Variants in SCUBE1 observed in about 807,000 individuals in gnomAD.
SCUBE1 encodes the protein signal peptide, CUB domain and EGF like domain containing 1.
In SCUBE1, 59 loss-of-function variants were observed where a neutral mutation model predicts 124.4. The ratio of observed to expected loss-of-function variants is 0.47; its 90% CI spans 0.38 to 0.59. The LOEUF (loss-of-function observed/expected upper bound fraction) is 0.59, where lower values mean the gene tolerates loss of function less well. Ranked by LOEUF, SCUBE1 falls within the 20% of genes least tolerant of loss-of-function variation. The pLI, the probability that SCUBE1 is intolerant of heterozygous loss-of-function variation, is 0.00. For synonymous variants in SCUBE1, 545 were observed against 550.9 expected (o/e 0.99, Z 0.15); for missense variants, 1,150 against 1,371.2 (o/e 0.84, Z 2.55).
At chr22:43,269,480 A>G (rs1394200408) in intron 4 of SCUBE1, among the ~76,000 whole-genome samples, 1 of 152,174 alleles carries the variant, frequency 6.6e-6, no homozygotes, top group Non-Finnish European at 1.5e-5. Flanking sequence ...TCGGATAACA[A>G]AGCTGGAATG....
At chr22:43,262,112 A>T (rs1923892933) in intron 5 of SCUBE1, among the ~76,000 whole-genome samples, 1 of 152,218 alleles carries the variant, frequency 6.6e-6, no homozygotes, top group Non-Finnish European at 1.5e-5. Context: ...GATCTCCCAG[A>T]ATATCACCAT....
In SCUBE1 at chr22:43,198,969, C is replaced by G; in HGVS notation, c.*5028G>C. ...CTGCTGTCCGGGGCAGTTTTTCTGT[C>G]TGCTGTCCGGGGCAACGTGTCTGTC... On this transcript the variant is annotated 3_prime_UTR_variant, in exon 22 of 22. Transcript: ENST00000360835. 2 of 362,204 alleles carry G rather than the reference C, an allele frequency of 5.5e-6. No individual in the cohort carries two copies. The highest frequency in any genetic ancestry group is 4.1e-5 in the South Asian group (2 of 48,292). The allele number at this position is 362,204 out of a possible 1,614,324, so 22.4% of individuals were successfully genotyped here.
At chr22:43,326,341 CG>C (rs906839075) in intron 2 of SCUBE1, among the ~76,000 whole-genome samples, 1 of 152,044 alleles carries the variant, frequency 6.6e-6, no homozygotes, top group African/African-American at 2.4e-5. Flanking sequence ...GGCAACCATT[CG>C]GGGAGAGATG....
chr22:43,212,721 G>C, intron 16 of SCUBE1, 129 bp from the exon 17 acceptor site: 1 of 926,526 alleles, frequency 1.1e-6, no homozygotes, highest in Non-Finnish European at 1.6e-6. Context: ...GAGGCCTGGG[G>C]TGGGGACGGG....
At chr22:43,223,488 G>T (rs1922185198) in intron 10 of SCUBE1, among the ~76,000 whole-genome samples, 1 of 152,162 alleles carries the variant, frequency 6.6e-6, no homozygotes, top group Non-Finnish European at 1.5e-5. Flanking sequence ...GAAACTCCCT[G>T]AGGGCAGGGC....
intron 1 of SCUBE1, among the ~76,000 whole-genome samples, chr22:43,342,104 C>CCT (rs1927336373): frequency 6.6e-6 from 1 of 152,038 alleles, no homozygotes; most frequent in South Asian, 2.1e-4. Context: ...CCATACCAGA[C>CCT]CTCAGGAAGC....
In SCUBE1 at chr22:43,274,985, C is replaced by T. The variant is rs541366852; in HGVS notation, c.485-12140G>A. Among the ~76,000 whole-genome samples the T allele has an allele frequency of 1.6e-3, 239 of 152,332 alleles. 3 individuals are homozygous for T. Among genetic ancestry groups the T allele is most frequent in the African/African-American group, 4.3e-3 (177 of 41,576 alleles). On this transcript the variant is annotated intron_variant, in intron 4 of 21. Transcript: ENST00000360835. ...GGGGACATAAGCCAATTCCCGCCACCGACTCAAACTTAGTCTGGTGACTTG... is the reference window on the plus strand; with the variant it reads ...GGGGACATAAGCCAATTCCCGCCACTGACTCAAACTTAGTCTGGTGACTTG...
chr22:43,238,556 C>T lies in SCUBE1; in HGVS notation c.844+282G>A, dbSNP rs112886221. On this transcript the variant is annotated intron_variant, in intron 7 of 21. Transcript: ENST00000360835. The stretch of plus-strand genomic sequence containing the variant: ...ACGCTGGCTTAACTGTTTAACCCAG[C>T]GTGCAGCCAAATTCTCTGACATCAG... 54 of 600,314 alleles carry T rather than the reference C, an allele frequency of 9.0e-5. No homozygotes were observed. The East Asian group carries it at 9.4e-4, about 10-fold the overall frequency. 37.2% of individuals were successfully genotyped at this position (600,314 alleles called of 1,614,324 possible). A position where few individuals can be genotyped will look rare whatever the true frequency, so the allele number is the denominator to read the frequency against.
At chr22:43,252,879 G>A (rs1014220466) in intron 6 of SCUBE1, among the ~76,000 whole-genome samples, 1 of 148,816 alleles carries the variant, frequency 6.7e-6, no homozygotes, top group Non-Finnish European at 1.5e-5. Flanking sequence ...GATGGGAACG[G>A]TCACCTCCCT....
Position 43,219,562 on chromosome 22 carries a change from C to G in SCUBE1, c.1687+888G>C, listed in dbSNP as rs368019284. On this transcript the variant is annotated intron_variant, in intron 14 of 21. Coordinates refer to ENST00000360835, the MANE Select transcript of SCUBE1 (RefSeq NM_173050.5). ...GATCTCAGCTCACTGCAATCTCTGC[C>G]TCCCAGGTTCAAGCGATTCTCCTGC... Among the ~76,000 whole-genome samples the G allele has an allele frequency of 9.2e-4, 140 of 152,130 alleles. 1 individual carries two copies. The highest frequency in any genetic ancestry group is 3.3e-3 in the African/African-American group (135 of 41,452).
At chr22:43,220,631 G>A (rs1276729026) in intron 13 of SCUBE1, 44 bp from the exon 14 acceptor site, 1 of 1,604,126 alleles carries the variant, frequency 6.2e-7, no homozygotes, top group Admixed American at 1.7e-5. Context: ...GCATGGGGCA[G>A]GGAGCAAGGT....
intron 7 of SCUBE1, chr22:43,238,601 C>G (rs1224642349): frequency 1.3e-5 from 8 of 615,226 alleles, no homozygotes; most frequent in Admixed American, 2.7e-5. Context: ...GGCCCAGGAA[C>G]CTGCTGATGT....
intron 6 of SCUBE1, among the ~76,000 whole-genome samples, chr22:43,256,324 G>A (rs1923660177): frequency 6.6e-6 from 1 of 152,226 alleles, no homozygotes; most frequent in South Asian, 2.1e-4. Flanking sequence ...GCTGGCCAGG[G>A]AGCATCCTGG....
chr22:43,276,700 A>G (rs2146728977), intron 4 of SCUBE1, among the ~76,000 whole-genome samples: 1 of 152,304 alleles, frequency 6.6e-6, no homozygotes, highest in Non-Finnish European at 1.5e-5. Context: ...CCCAGGTGGG[A>G]AGCCAGGCTG....
intron 6 of SCUBE1, among the ~76,000 whole-genome samples, chr22:43,242,073 T>G (rs536421255): frequency 6.6e-6 from 1 of 152,360 alleles, no homozygotes; most frequent in African/African-American, 2.4e-5. Context: ...TCACTATAAA[T>G]GCAAGACGGG....
Position 43,277,353 on chromosome 22 carries a change from T to C in SCUBE1, c.484+13693A>G, listed in dbSNP as rs577864833. Among the ~76,000 whole-genome samples, 7 of 151,952 alleles carry C rather than the reference T, an allele frequency of 4.6e-5. 1 individual carries two copies. Among genetic ancestry groups the C allele is most frequent in the African/African-American group, 1.7e-4 (7 of 41,422 alleles). ...AGAGCCAGAGGGTTGGGCAGAGCAG[T>C]GGTTCTGGCTGCTACCAGAAGGCTT... On this transcript the variant is annotated intron_variant, in intron 4 of 21. Transcript: ENST00000360835.
rs749586287 is a variant in SCUBE1 at position 43,333,733 on chromosome 22, G to A, written c.220+5371C>T. Among the ~76,000 whole-genome samples, 21 of 152,200 alleles carry A rather than the reference G, an allele frequency of 1.4e-4. 1 individual carries two copies. Among genetic ancestry groups the A allele is most frequent in the Non-Finnish European group, 5.9e-5 (4 of 68,038 alleles). The stretch of plus-strand genomic sequence containing the variant: ...CCAGCGGTCAAGAGGAGAGACCTTC[G>A]GAACTGCCGGTTTGGGGCTTAAATT... On this transcript the variant is annotated intron_variant, in intron 2 of 21. Coordinates refer to ENST00000360835, the MANE Select transcript of SCUBE1 (RefSeq NM_173050.5).
chr22:43,237,017 G>A (rs113617907), intron 7 of SCUBE1, among the ~76,000 whole-genome samples: 1 of 151,616 alleles, frequency 6.6e-6, no homozygotes, highest in Non-Finnish European at 1.5e-5. Flanking sequence ...AGGGCTGGGC[G>A]TCCATGGAGG....
At chr22:43,251,581 C>A (rs1303269241) in intron 6 of SCUBE1, among the ~76,000 whole-genome samples, 1 of 152,026 alleles carries the variant, frequency 6.6e-6, no homozygotes, top group South Asian at 2.1e-4. Flanking sequence ...AGGACTGGGG[C>A]GGGTCAGGCT....
Sources: allele counts gnomAD v4.1 joint callset (sites outside exome capture counted in the v4.1 genomes callset), GRCh38; gene constraint gnomAD v4.1.1; transcripts MANE v1.5; gene names NCBI Gene and HGNC (gene_info 2026-07-23, HGNC 2026-07-21).